MAST1: variants seen among roughly 807,000 people sequenced by gnomAD.
The protein encoded by MAST1 is microtubule-associated serine/threonine-protein kinase 1.
A neutral mutation model predicts 124.6 loss-of-function variants in MAST1; 40 were observed. The ratio of observed to expected loss-of-function variants is 0.32; its 90% CI spans 0.25 to 0.42. The LOEUF (loss-of-function observed/expected upper bound fraction) is 0.42. MAST1 is among the 10% of genes least tolerant of loss of function. MAST1 has a pLI of 1.00. For missense variants in MAST1, 1,558 were observed against 2,181.9 expected (o/e 0.71, Z 5.70); for synonymous variants, 938 against 939.4 (o/e 1.00, Z 0.03).
rs140961604 is a variant in MAST1 at position 12,858,343 on chromosome 19, C to T, written c.1078-19C>T. On this transcript the variant is annotated intron_variant, in intron 10 of 25. Transcript: ENST00000251472. The stretch of plus-strand genomic sequence containing the variant: ...CTCATGATGATGATGGTGGTGTGGT[C>T]TCCATCTTTTTCCTGAAGGGCCGCA... 6.6e-4 allele frequency: 1,063 copies of T among 1,608,158 alleles called. 14 individuals are homozygous for T. The African/African-American group carries it at 0.011, about 16-fold the overall frequency.
chr19:12,841,210 A>T lies in MAST1; in HGVS notation c.248+144A>T. ...GTGCCCCAAGGTCTCAGCGGGAAGG[A>T]GCGCCTAGCCTTCGGGGCGGGGCCT... On this transcript the variant is annotated intron_variant, in intron 3 of 25. Coordinates refer to ENST00000251472, the MANE Select transcript of MAST1 (RefSeq NM_014975.3). The surrounding 1 kb of genome is among the most constrained non-coding windows in gnomAD (Gnocchi z 4.3). 2 of 587,924 alleles carry T rather than the reference A, an allele frequency of 3.4e-6. No individual in the cohort carries two copies. The highest frequency in any genetic ancestry group is 6.2e-6 in the Non-Finnish European group (2 of 322,172). 36.4% of individuals were successfully genotyped at this position (587,924 alleles called of 1,614,324 possible). A position where few individuals can be genotyped will look rare whatever the true frequency, so the allele number is the denominator to read the frequency against.
rs766584077 is a variant in MAST1 at position 12,867,692 on chromosome 19, G to A, written c.2319-38G>A. 7 of 1,539,322 alleles carry A rather than the reference G, an allele frequency of 4.5e-6. No homozygotes were observed. The African/African-American group carries it at 8.3e-5, about 18-fold the overall frequency. ...GGCGGAGTTTGGGGGCGGGGTCGAA[G>A]GGGGCGTGTCTTCCATAACCACGCC... On this transcript the variant is annotated intron_variant, in intron 19 of 25. Transcript: ENST00000251472.
chr19:12,844,263 C>T (rs1415378058), intron 4 of MAST1, among the ~76,000 whole-genome samples: 1 of 152,218 alleles, frequency 6.6e-6, no homozygotes, highest in East Asian at 1.9e-4. Context: ...AGCCCACTTG[C>T]TCACCCCTTG....
In MAST1 at chr19:12,866,791, C is replaced by T. The variant is rs756892381; in HGVS notation, c.2139+29C>T. 5.7e-6 allele frequency: 9 copies of T among 1,570,674 alleles called. No individual in the cohort carries two copies. Among genetic ancestry groups the T allele is most frequent in the East Asian group, 4.6e-5 (2 of 43,874 alleles). ...GGCCAAGTCTGGGTGTGGGACAGGG[C>T]GAGACCCCAGGAGGGATGGGGCTTG... On this transcript the variant is annotated intron_variant, in intron 18 of 25. Coordinates refer to ENST00000251472, the MANE Select transcript of MAST1 (RefSeq NM_014975.3). This position sits in a 1 kb window ranked among gnomAD's most constrained non-coding sequence, Gnocchi z 5.2.
intron 22 of MAST1, 147 bp downstream of exon 22, chr19:12,869,442 C>CT (rs1019343935): frequency 4.4e-6 from 3 of 677,158 alleles, no homozygotes; most frequent in Non-Finnish European, 4.9e-6. Flanking sequence ...TTTTCTTTTA[C>CT]TTTTTTATTT....
chr19:12,867,755 A>T lies in MAST1; in HGVS notation c.2344A>T (p.Ser782Cys), dbSNP rs762283370. 2 of 1,538,620 alleles carry T rather than the reference A, an allele frequency of 1.3e-6. No individual in the cohort carries two copies. The highest frequency in any genetic ancestry group is 1.2e-5 in the South Asian group (1 of 83,864). Reference sequence around the variant, plus strand: ...CAAGCGATTCTCCGCGTCCGAGGCCAGTTTCCTGGAGGGAGAGGCCAGTCC... The same window carrying T: ...CAAGCGATTCTCCGCGTCCGAGGCCTGTTTCCTGGAGGGAGAGGCCAGTCC... ...EIKRFSASEA[S>C]FLEGEASPPL... The change falls in exon 20 of 26, where the codon AGT becomes TGT. Residue 782 changes from serine to cysteine, a missense_variant. Physicochemically the swap from Ser to Cys is moderately radical, Grantham distance 112. Transcript: ENST00000251472.
chr19:12,847,411 G>A lies in MAST1; in HGVS notation c.449G>A (p.Arg150His). Reference protein sequence around the residue: ...TESITDEDGGRRSPAVRPRSR... With the variant: ...TESITDEDGGHRSPAVRPRSR... ...AGCATCACAGACGAGGATGGTGGCC[G>A]TCGCTCCCCAGCCGTGCGGCCCCGC... The change falls in exon 5 of 26, where the codon CGT (arginine) becomes CAT (histidine). Residue 150 changes from arginine (R) to histidine (H), a missense_variant. Transcript: ENST00000251472. This position sits in a 1 kb window ranked among gnomAD's most constrained non-coding sequence, Gnocchi z 5.5. 3 of 1,613,868 alleles carry A rather than the reference G, an allele frequency of 1.9e-6. No homozygotes were observed. Among genetic ancestry groups the A allele is most frequent in the African/African-American group, 1.3e-5 (1 of 75,042 alleles).
chr19:12,866,635 C>A lies in MAST1; in HGVS notation c.2030-18C>A. 2 of 1,564,942 alleles carry A rather than the reference C, an allele frequency of 1.3e-6. No individual in the cohort carries two copies. Among genetic ancestry groups the A allele is most frequent in the Non-Finnish European group, 1.8e-6 (2 of 1,137,796 alleles). On this transcript the variant is annotated intron_variant, in intron 17 of 25. Transcript: ENST00000251472. The surrounding 1 kb of genome is among the most constrained non-coding windows in gnomAD (Gnocchi z 5.2). ...AGGAACCCCGTACCCTCAGTCACAG[C>A]CCATACCCGCTCCCCAGCCCGCTCA...
chr19:12,847,896 G>T lies in MAST1; in HGVS notation c.613G>T (p.Glu205Ter), dbSNP rs1181336046. 6.2e-7 allele frequency: 1 copy of T among 1,613,612 alleles called. No individual in the cohort carries two copies. The highest frequency in any genetic ancestry group is 8.5e-7 in the Non-Finnish European group (1 of 1,179,880). Residue 205 changes from glutamate (E) to a stop codon, truncating the protein, a stop_gained, in exon 7 of 26, where the codon GAA becomes TAA. Transcript: ENST00000251472. LOFTEE classifies it high-confidence loss of function. This position sits in a 1 kb window ranked among gnomAD's most constrained non-coding sequence, Gnocchi z 5.5. ...EKLRDFTRAY[E>*]PDSVLPLADG... The stretch of plus-strand genomic sequence containing the variant: ...GCTGCGCGACTTTACCCGCGCCTAC[G>T]AACCCGACAGCGTTCTGCCTCTGGC...
rs1362937905 is a variant in MAST1 at position 12,865,524 on chromosome 19, C to T, written c.1804+43C>T. On this transcript the variant is annotated intron_variant, in intron 15 of 25. Transcript: ENST00000251472. The surrounding 1 kb of genome is among the most constrained non-coding windows in gnomAD (Gnocchi z 7.1). ...GTACAGGGGCAGAGTGTGGTGTGCA[C>T]GGAGAGATGGACAGGCTCAGGGTTC... 1.3e-6 allele frequency: 2 copies of T among 1,539,636 alleles called. No homozygotes were observed. Among genetic ancestry groups the T allele is most frequent in the East Asian group, 2.3e-5 (1 of 44,268 alleles).
intron 12 of MAST1, among the ~76,000 whole-genome samples, chr19:12,861,428 G>A (rs1970081356): frequency 1.3e-5 from 2 of 152,124 alleles, no homozygotes; most frequent in South Asian, 2.1e-4. Context: ...AGGCAGGCAG[G>A]GAGCTTCTCA....
At chr19:12,868,155 A>G (rs890720320) in intron 20 of MAST1, among the ~76,000 whole-genome samples, 178 bp downstream of exon 20, 2 of 123,374 alleles carry the variant, frequency 1.6e-5, no homozygotes, top group Non-Finnish European at 3.2e-5. Flanking sequence ...ATCACCCAGG[A>G]TGGAGTGCAG....
chr19:12,868,934 T>A (rs1970198554), intron 21 of MAST1, 85 bp downstream of exon 21: 1 of 1,541,686 alleles, frequency 6.5e-7, no homozygotes, highest in African/African-American at 1.4e-5. Context: ...ATTTTCCCTG[T>A]CCACCGTGAT....
intron 22 of MAST1, among the ~76,000 whole-genome samples, chr19:12,869,930 C>G (rs1236184313): frequency 6.6e-6 from 1 of 151,162 alleles, no homozygotes; most frequent in Non-Finnish European, 1.5e-5. Context: ...GGCTGTAATC[C>G]CGGCACTTTG....
In MAST1 at chr19:12,866,663, C is replaced by G. The variant is rs1229910463; in HGVS notation, c.2040C>G (p.Asp680Glu). ...ATACCCGCTCCCCAGCCCGCTCAGA[C>G]AGGTATCACCACGTGAACTCCTATG... Reference protein sequence around the residue: ...DDTSYFDTRSDRYHHVNSYDE... With the variant: ...DDTSYFDTRSERYHHVNSYDE... Residue 680 changes from aspartate (D) to glutamate (E), a missense_variant, in exon 18 of 26, where the codon GAC becomes GAG. Physicochemically the swap from Asp to Glu is conservative, Grantham distance 45. Around this residue, in one of 10 missense-constraint regions of MAST1, gnomAD observed 145 missense variants for 350.0 expected, o/e 0.41. Transcript: ENST00000251472. The surrounding 1 kb of genome is among the most constrained non-coding windows in gnomAD (Gnocchi z 5.2). 1 of 1,613,290 alleles carries G rather than the reference C, an allele frequency of 6.2e-7. No individual in the cohort carries two copies. Among genetic ancestry groups the G allele is most frequent in the African/African-American group, 1.3e-5 (1 of 74,896 alleles).
chr19:12,874,159 G>A lies in MAST1; in HGVS notation c.4002G>A (p.Gln1334=). ...RQVAVRRLGR[Q]ESPLSLGADP... is the part of the protein sequence containing the mutation. ...TCGCCGTCCGCCGCCTGGGCCGACA[G>A]GAGTCACCTTTGAGCCTGGGCGCGG... Residue 1334 remains glutamine (Q), a synonymous_variant, in exon 26 of 26, where the codon CAG becomes CAA. Transcript: ENST00000251472. The surrounding 1 kb of genome is among the most constrained non-coding windows in gnomAD (Gnocchi z 6.6). 1 of 1,541,438 alleles carries A rather than the reference G, an allele frequency of 6.5e-7. No individual in the cohort carries two copies. The highest frequency in any genetic ancestry group is 8.7e-7 in the Non-Finnish European group (1 of 1,146,272).
Position 12,866,853 on chromosome 19 carries a change from G to A in MAST1, c.2139+91G>A. 2.7e-6 allele frequency: 3 copies of A among 1,104,272 alleles called. No individual in the cohort carries two copies. The highest frequency in any genetic ancestry group is 4.0e-6 in the Non-Finnish European group (3 of 747,218). The allele number at this position is 1,104,272 out of a possible 1,614,324, so 68.4% of individuals were successfully genotyped here. On this transcript the variant is annotated intron_variant, in intron 18 of 25. Transcript: ENST00000251472. This position sits in a 1 kb window ranked among gnomAD's most constrained non-coding sequence, Gnocchi z 5.2. ...AGAAACAGGTTCCCTGGTGCCCAAG[G>A]TCTCAGGAGCGGGAAGTTATTGATG...
At chr19:12,869,360 C>T (rs538780185) in intron 22 of MAST1, 65 bp downstream of exon 22, 8 of 1,364,824 alleles carry the variant, frequency 5.9e-6, no homozygotes, top group African/African-American at 4.3e-5. Context: ...GCCCCTCCAG[C>T]TCAAACCAGT....
Position 12,874,949 on chromosome 19 carries a change from G to GT in MAST1, c.*80dup. 1 of 1,502,384 alleles carries GT rather than the reference G, an allele frequency of 6.7e-7. No individual in the cohort carries two copies. Among genetic ancestry groups the GT allele is most frequent in the South Asian group, 1.2e-5 (1 of 82,858 alleles). 93.1% of individuals were successfully genotyped at this position (1,502,384 alleles called of 1,614,324 possible). On this transcript the variant is annotated 3_prime_UTR_variant, in exon 26 of 26. Coordinates refer to ENST00000251472, the MANE Select transcript of MAST1 (RefSeq NM_014975.3). The surrounding 1 kb of genome is among the most constrained non-coding windows in gnomAD (Gnocchi z 6.6). ...TATAAATAAAGTGCGTCCGTGCTGC[G>GT]TGAGTTTTCTGGGGCTCACTCCTCT... is the stretch of plus-strand genomic sequence containing the variant.
Sources: allele counts gnomAD v4.1 joint callset (sites outside exome capture counted in the v4.1 genomes callset), GRCh38; gene constraint gnomAD v4.1.1; regional missense constraint gnomAD v4.1.1; non-coding constraint Gnocchi (gnomAD v3.1); transcripts MANE v1.5; gene names NCBI Gene and HGNC (gene_info 2026-07-23, HGNC 2026-07-21).